The following PIGP variants were observed in gnomAD, a reference collection of about 807,000 sequenced individuals.
PIGP encodes the protein phosphatidylinositol N-acetylglucosaminyltransferase subunit P.
PIGP carries 12 observed loss-of-function variants against 16.9 expected under a neutral mutation model. The ratio of observed to expected loss-of-function variants is 0.71; its 90% CI spans 0.46 to 1.15. The LOEUF (loss-of-function observed/expected upper bound fraction) is 1.15. Among genes scored for constraint, PIGP ranks in the 50% most tolerant of loss-of-function variants. PIGP has a pLI of 0.00. For missense variants in PIGP, 159 were observed against 153.5 expected (o/e 1.04, Z -0.19); for synonymous variants, 57 against 54.7 (o/e 1.04, Z -0.18).
At chr21:37,066,526 T>C (rs2069905658) in intron 4 of PIGP, among the ~76,000 whole-genome samples, 1 of 152,220 alleles carries the variant, frequency 6.6e-6, no homozygotes, top group Admixed American at 6.5e-5. Context: ...TTCTAGAATT[T>C]AAGCAAGCTC....
At position 37,065,838 on chromosome 21, in the gene PIGP, C is replaced by T. The variant is rs566518334; in HGVS notation, c.275-126G>A. 6.3e-5 allele frequency: 44 copies of T among 697,710 alleles called. 1 individual carries two copies. The South Asian group carries it at 8.1e-4, about 13-fold the overall frequency. The allele number at this position is 697,710 out of a possible 1,614,324, so 43.2% of individuals were successfully genotyped here. On this transcript the variant is annotated intron_variant, in intron 4 of 4. Coordinates refer to ENST00000360525, the MANE Select transcript of PIGP (RefSeq NM_153682.3). ...GGATAGTGACAAACATCATGTTTAA[C>T]ATAATTAGATGATTACTTAAATCCT...
chr21:37,071,723 T>A (rs775167609), intron 2 of PIGP, among the ~76,000 whole-genome samples: 4 of 152,202 alleles, frequency 2.6e-5, no homozygotes, highest in Non-Finnish European at 5.9e-5. Context: ...CTCCCTTTTG[T>A]GTGCCTCAAA....
intron 2 of PIGP, among the ~76,000 whole-genome samples, chr21:37,070,225 T>C (rs987760213): frequency 2.6e-5 from 4 of 152,222 alleles, no homozygotes; most frequent in Admixed American, 2.0e-4. Flanking sequence ...AAGTATGCAA[T>C]TTTAAATGAT....
rs575673520 is a variant in PIGP, at chr21:37,065,477, T to G, written c.*105A>C. 9.0e-7 allele frequency: 1 copy of G among 1,106,284 alleles called. No homozygotes were observed. The highest frequency in any genetic ancestry group is 1.6e-5 in the African/African-American group (1 of 62,238). The allele number at this position is 1,106,284 out of a possible 1,614,324, so 68.5% of individuals were successfully genotyped here. A position where few individuals can be genotyped will look rare whatever the true frequency, so the allele number is the denominator to read the frequency against. The stretch of plus-strand genomic sequence containing the variant: ...GAGAAGGTCAACTTACATTTTTTAC[T>G]TCTCTATTAATAAGAGAGATGGTCA... On this transcript the variant is annotated 3_prime_UTR_variant, in exon 5 of 5. Transcript: ENST00000360525.
At chr21:37,068,507 C>CATT (rs1397604402) in intron 3 of PIGP, among the ~76,000 whole-genome samples, 1 of 151,848 alleles carries the variant, frequency 6.6e-6, no homozygotes, top group Admixed American at 6.6e-5. Flanking sequence ...CTGTTTCCTG[C>CATT]ATTATCTCTA....
rs1569300896 is a variant in PIGP, at chr21:37,072,554, CA to C, written c.-22-18del. The C allele has an allele frequency of 6.2e-7, 1 of 1,614,254 alleles. No homozygotes were observed. The highest frequency in any genetic ancestry group is 8.5e-7 in the Non-Finnish European group (1 of 1,180,042). The stretch of plus-strand genomic sequence containing the variant: ...TTAGACAATCTGTGGAAAAGGAACA[CA>C]ATCAGCGTCAGCGATGTGCTCCGTG... On this transcript the variant is annotated intron_variant, in intron 1 of 4. Transcript: ENST00000360525.
chr21:37,072,970 C>T (rs1238721320), intron 1 of PIGP, 30 bp downstream of exon 1: 2 of 193,912 alleles, frequency 1.0e-5, no homozygotes, highest in South Asian at 1.1e-4. Flanking sequence ...TTCATACGCC[C>T]ACCCAGGCCC....
chr21:37,068,221 A>T (rs1249171350), intron 3 of PIGP, among the ~76,000 whole-genome samples: 4 of 148,678 alleles, frequency 2.7e-5, no homozygotes, highest in Non-Finnish European at 3.0e-5. Flanking sequence ...TTTTTTTTTT[A>T]AATGATTTGT....
Position 37,065,567 on chromosome 21 carries a change from A to G in PIGP, c.*15T>C. 1 of 1,605,954 alleles carries G rather than the reference A, an allele frequency of 6.2e-7. No homozygotes were observed. The highest frequency in any genetic ancestry group is 1.7e-4 in the Middle Eastern group (1 of 6,002). On this transcript the variant is annotated 3_prime_UTR_variant, in exon 5 of 5. Transcript: ENST00000360525. ...AAATAAATACGTGCTTGGTGTTACT[A>G]TGGTTACACACAGTTCAGTTTTTGG...
intron 2 of PIGP, among the ~76,000 whole-genome samples, chr21:37,071,516 G>A (rs531340604): frequency 3.8e-4 from 58 of 152,190 alleles, no homozygotes; most frequent in Non-Finnish European, 7.8e-4. Flanking sequence ...CTAATCTGTG[G>A]AGGAGTCAGA....
intron 4 of PIGP, among the ~76,000 whole-genome samples, chr21:37,066,738 C>T (rs1476572935): frequency 6.6e-6 from 1 of 152,150 alleles, no homozygotes. Context: ...GGTGTCTGTT[C>T]AGGATAAGCT....
At chr21:37,072,695 A>G (rs7280542) in intron 1 of PIGP, 158 bp from the exon 2 acceptor site, 796,072 of 1,244,008 alleles carry the variant, frequency 0.64, 257,387 homozygotes, top group Admixed American at 0.69. Context: ...GCGCATACAG[A>G]CACCCAGGCT....
At chr21:37,068,256 A>C (rs1302917370) in intron 3 of PIGP, among the ~76,000 whole-genome samples, 1 of 150,840 alleles carries the variant, frequency 6.6e-6, no homozygotes, top group Non-Finnish European at 1.5e-5. Flanking sequence ...TCTTTCTGGA[A>C]CTTCTAATAG....
At chr21:37,069,674 A>G (rs191875154) in intron 2 of PIGP, 50 bp from the exon 3 acceptor site, 3 of 1,163,378 alleles carry the variant, frequency 2.6e-6, no homozygotes, top group Non-Finnish European at 3.7e-6. Flanking sequence ...AGTAAGACAT[A>G]CATCTAATCT....
intron 2 of PIGP, among the ~76,000 whole-genome samples, chr21:37,070,164 C>A (rs2069978931): frequency 6.6e-6 from 1 of 152,134 alleles, no homozygotes; most frequent in Admixed American, 6.5e-5. Flanking sequence ...AAGCACAGTT[C>A]CAAGCATTCT....
rs558447768 is a variant in PIGP at position 37,071,258 on chromosome 21, G to C, written c.82+1176C>G. Among the ~76,000 whole-genome samples the C allele has an allele frequency of 1.5e-4, 23 of 152,332 alleles. No homozygotes were observed. In the South Asian group the frequency reaches 4.8e-3, roughly 32 times the overall value. Reference sequence around the variant, plus strand: ...GTTAATCCTCACAACAGTCAGAAGAGGCAGCAGAGTGAAGTCAGCCAGTGT... The same window carrying C: ...GTTAATCCTCACAACAGTCAGAAGACGCAGCAGAGTGAAGTCAGCCAGTGT... On this transcript the variant is annotated intron_variant, in intron 2 of 4. Transcript: ENST00000360525.
chr21:37,072,020 C>T (rs2070086944), intron 2 of PIGP: 2 of 740,314 alleles, frequency 2.7e-6, no homozygotes, highest in African/African-American at 3.4e-5. Context: ...CTTACTCTTT[C>T]CTAATCAGCA....
chr21:37,066,934 T>G (rs1476244884), intron 4 of PIGP, among the ~76,000 whole-genome samples: 1 of 151,708 alleles, frequency 6.6e-6, no homozygotes, highest in Non-Finnish European at 1.5e-5. Flanking sequence ...TTATATAAGT[T>G]TGTATTTATT....
chr21:37,069,295 G>A (rs1248925353), intron 3 of PIGP: 14 of 205,744 alleles, frequency 6.8e-5, no homozygotes, highest in South Asian at 1.6e-4. Context: ...TGTATCTTCA[G>A]TTTTTTTTTT....
Sources: allele counts gnomAD v4.1 joint callset (sites outside exome capture counted in the v4.1 genomes callset), GRCh38; gene constraint gnomAD v4.1.1; transcripts MANE v1.5; gene names NCBI Gene and HGNC (gene_info 2026-07-23, HGNC 2026-07-21).